SLC5A10: variants seen among roughly 807,000 people sequenced by gnomAD.
The protein encoded by SLC5A10 is solute carrier family 5 member 10, also known as sodium/mannose cotransporter SLC5A10.
In SLC5A10, 55 loss-of-function variants were observed where a neutral mutation model predicts 68.9. That is an observed-to-expected ratio of 0.80 (90% confidence interval 0.64 to 1.00). SLC5A10 has a LOEUF of 1.00. Ranked by LOEUF, SLC5A10 falls within the 50% of genes least tolerant of loss-of-function variation. The pLI is 0.00. For missense variants in SLC5A10, 732 were observed against 819.3 expected (o/e 0.89, Z 1.30); for synonymous variants, 344 against 344.8 (o/e 1.00, Z 0.02).
chr17:18,958,923 T>C (rs1189622126), intron 2 of SLC5A10, among the ~76,000 whole-genome samples, 170 bp downstream of exon 2: 1 of 152,024 alleles, frequency 6.6e-6, no homozygotes, highest in Non-Finnish European at 1.5e-5. Context: ...CTAGAAATTG[T>C]GTAAGGGGCA....
At chr17:18,987,537 G>A (rs1470465133) in intron 9 of SLC5A10, among the ~76,000 whole-genome samples, 1 of 152,196 alleles carries the variant, frequency 6.6e-6, no homozygotes, top group African/African-American at 2.4e-5. Flanking sequence ...GAAGAGCGTT[G>A]GACCAATGAG....
In SLC5A10 at chr17:18,971,354, T is replaced by C. The variant is rs766537391; in HGVS notation, c.846+136T>C. ...GAAGGTGTGGCTCCAGGCTGGGACATGCTGCTAGGGGTCTTTGCGGTCCCG... is the reference window on the plus strand; with the variant it reads ...GAAGGTGTGGCTCCAGGCTGGGACACGCTGCTAGGGGTCTTTGCGGTCCCG... On this transcript the variant is annotated intron_variant, in intron 8 of 14. Transcript: ENST00000395645. This position sits in a 1 kb window ranked among gnomAD's most constrained non-coding sequence, Gnocchi z 5.5. The C allele has an allele frequency of 2.5e-6, 4 of 1,582,692 alleles. No homozygotes were observed. The African/African-American group carries it at 6.2e-5, about 24-fold the overall frequency.
chr17:18,998,613 G>A (rs975422794), intron 9 of SLC5A10, among the ~76,000 whole-genome samples: 4 of 152,228 alleles, frequency 2.6e-5, no homozygotes, highest in African/African-American at 9.6e-5. Flanking sequence ...GTGCCCAGAC[G>A]GGCAGGCACT....
intron 9 of SLC5A10, among the ~76,000 whole-genome samples, chr17:19,012,834 A>T (rs2044044634): frequency 6.6e-6 from 1 of 152,202 alleles, no homozygotes; most frequent in African/African-American, 2.4e-5. Flanking sequence ...CTCTGACCCC[A>T]CGTCCTAAGC....
At chr17:18,979,571 G>T in intron 9 of SLC5A10, 6 of 1,613,420 alleles carry the variant, frequency 3.7e-6, no homozygotes, top group Non-Finnish European at 5.1e-6. Flanking sequence ...CACACAGCCC[G>T]GTCTCCATCC....
intron 9 of SLC5A10, among the ~76,000 whole-genome samples, chr17:19,005,369 C>T (rs1370969610): frequency 1.3e-5 from 2 of 151,900 alleles, no homozygotes; most frequent in East Asian, 3.8e-4. Context: ...TCAGGCCCAG[C>T]TCTCTGCTGA....
chr17:18,978,177 C>T, intron 9 of SLC5A10: 2 of 1,539,774 alleles, frequency 1.3e-6, no homozygotes, highest in Non-Finnish European at 8.7e-7. Flanking sequence ...GGCTCAGGGT[C>T]CCCCTGGGGG....
At chr17:18,950,862 C>T (rs9898417), upstream of SLC5A10, 1,986 of 184,724 alleles carry the variant, frequency 0.011, 44 homozygotes, top group African/African-American at 0.044. Flanking sequence ...ATTACAGGTG[C>T]GTACCACCAT....
At chr17:18,985,567 A>G (rs2043249041) in intron 9 of SLC5A10, among the ~76,000 whole-genome samples, 1 of 152,118 alleles carries the variant, frequency 6.6e-6, no homozygotes, top group Non-Finnish European at 1.5e-5. Flanking sequence ...CAGCTAGCTC[A>G]AGGTGAGGGA....
chr17:18,957,240 C>T (rs546650518), intron 1 of SLC5A10, among the ~76,000 whole-genome samples: 93 of 152,262 alleles, frequency 6.1e-4, no homozygotes, highest in African/African-American at 2.1e-3. Context: ...CAGTAACTTG[C>T]CCCAGGTAAC....
At chr17:18,966,431 T>C (rs554601480) in intron 5 of SLC5A10, among the ~76,000 whole-genome samples, 1 of 152,258 alleles carries the variant, frequency 6.6e-6, no homozygotes, top group African/African-American at 2.4e-5. Context: ...CCTCTGCAAT[T>C]TGGGCCTTGA....
At chr17:19,008,548 G>A (rs1158602113) in intron 9 of SLC5A10, among the ~76,000 whole-genome samples, 1 of 149,690 alleles carries the variant, frequency 6.7e-6, no homozygotes, top group South Asian at 2.1e-4. Context: ...TGCCCAGGCT[G>A]GCGTGCAGTG....
rs758772623 is a variant in SLC5A10 at position 18,977,729 on chromosome 17, C to T, written c.982+740C>T. The T allele has an allele frequency of 1.1e-5, 17 of 1,607,668 alleles. No homozygotes were observed. Among genetic ancestry groups the T allele is most frequent in the South Asian group, 7.8e-5 (7 of 90,208 alleles). On this transcript the variant is annotated intron_variant, in intron 9 of 14. Coordinates refer to ENST00000395645, the MANE Select transcript of SLC5A10 (RefSeq NM_001042450.4). ...TATATGGGGGGCACTCAGCTGCCGG[C>T]GCGGTGGTGGGGTTGGCCCGTTGGC...
intron 9 of SLC5A10, chr17:18,977,677 C>A: frequency 6.2e-7 from 1 of 1,610,582 alleles, no homozygotes; most frequent in Non-Finnish European, 8.5e-7. Context: ...GGGAGCCACC[C>A]TGGGGTCCAA....
chr17:18,965,685 G>C (rs1471486652), intron 5 of SLC5A10, among the ~76,000 whole-genome samples: 1 of 152,230 alleles, frequency 6.6e-6, no homozygotes, highest in Non-Finnish European at 1.5e-5. Context: ...TCTCAGCCTT[G>C]CTCCCTCCCT....
intron 1 of SLC5A10, chr17:18,953,735 C>T (rs2042425957): frequency 6.6e-6 from 1 of 152,586 alleles, no homozygotes; most frequent in Non-Finnish European, 1.5e-5. Flanking sequence ...AAATCTGAAA[C>T]CCAAAATCTG....
chr17:18,979,905 G>C (rs114381805), intron 9 of SLC5A10, among the ~76,000 whole-genome samples: 1 of 152,212 alleles, frequency 6.6e-6, no homozygotes, highest in Non-Finnish European at 1.5e-5. Context: ...CTGGTACAAA[G>C]GGGTTGGCAT....
intron 9 of SLC5A10, among the ~76,000 whole-genome samples, chr17:18,982,017 G>A (rs2428374): frequency 3.5e-4 from 54 of 152,292 alleles, no homozygotes; most frequent in African/African-American, 1.3e-3. Flanking sequence ...AAAATCGGCC[G>A]CCAGCATCAG....
At position 19,015,267 on chromosome 17, in the gene SLC5A10, A is replaced by G. The variant is rs572467550; in HGVS notation, c.1241+68A>G. On this transcript the variant is annotated intron_variant, in intron 11 of 14. Coordinates refer to ENST00000395645, the MANE Select transcript of SLC5A10 (RefSeq NM_001042450.4). ...AGGGTGGGCGCCCGCACTGACTTTG[A>G]GGGATGAGCCGGAGTTTGCCACTTA... The G allele has an allele frequency of 7.7e-6, 9 of 1,163,236 alleles. No individual in the cohort carries two copies. In the South Asian group the frequency reaches 1.1e-4, roughly 14 times the overall value. 72.1% of individuals were successfully genotyped at this position (1,163,236 alleles called of 1,614,324 possible). A position where few individuals can be genotyped will look rare whatever the true frequency, so the allele number is the denominator to read the frequency against.
Sources: gnomAD v4.1 joint callset for allele counts (sites outside exome capture counted in the v4.1 genomes callset) on GRCh38, gnomAD v4.1.1 for gene constraint, Gnocchi (gnomAD v3.1) non-coding constraint, MANE v1.5 for transcripts, NCBI Gene and HGNC (gene_info 2026-07-23, HGNC 2026-07-21) for gene names.